DNAH10: variants seen among roughly 807,000 people sequenced by gnomAD.
The protein encoded by DNAH10 is dynein axonemal heavy chain 10, also known as axonemal beta dynein heavy chain 10.
Under a neutral mutation model 506.6 loss-of-function variants are expected in DNAH10, and 348 were observed. The observed-to-expected ratio is 0.69, with a 90% CI of 0.63 to 0.75. DNAH10 has a LOEUF of 0.75. Ranked by LOEUF, DNAH10 falls within the 30% of genes least tolerant of loss-of-function variation. The probability of loss-of-function intolerance (pLI) is 0.00; values close to 1 mark genes in which losing one functional copy is unlikely to be tolerated. For synonymous variants in DNAH10, 2,059 were observed against 2,198.6 expected (o/e 0.94, Z 1.78); for missense variants, 5,179 against 5,787.1 (o/e 0.89, Z 3.41).
chr12:123,910,741 C>T, intron 59 of DNAH10, 69 bp downstream of exon 59: 5 of 1,546,938 alleles, frequency 3.2e-6, no homozygotes, highest in Non-Finnish European at 3.5e-6. Flanking sequence ...TTCACATGTA[C>T]ATACCTTTGC....
chr12:123,841,235 C>A (rs1950763615), intron 29 of DNAH10, 87 bp from the exon 30 acceptor site: 1 of 1,404,420 alleles, frequency 7.1e-7, no homozygotes, highest in East Asian at 2.3e-5. Flanking sequence ...TGCATCGTGG[C>A]AGCTCTGCTG....
chr12:123,790,248 T>C, intron 11 of DNAH10, 127 bp downstream of exon 11: 1 of 973,224 alleles, frequency 1.0e-6, no homozygotes, highest in East Asian at 2.5e-5. Context: ...TGCTTATTAA[T>C]TATAAAAAAC....
intron 65 of DNAH10, among the ~76,000 whole-genome samples, chr12:123,921,068 T>C (rs891119565): frequency 6.6e-6 from 1 of 152,202 alleles, no homozygotes; most frequent in Non-Finnish European, 1.5e-5. Flanking sequence ...CCACCGTGTC[T>C]GCCCCACCCC....
chr12:123,877,678 T>C, intron 47 of DNAH10, 58 bp from the exon 48 acceptor site: 1 of 1,542,560 alleles, frequency 6.5e-7, no homozygotes, highest in South Asian at 1.2e-5. Context: ...ATTTTGTTTA[T>C]TCACTCATCT....
chr12:123,784,864 A>G (rs1002174011), intron 8 of DNAH10, among the ~76,000 whole-genome samples: 2 of 152,202 alleles, frequency 1.3e-5, no homozygotes, highest in African/African-American at 4.8e-5. Context: ...TCTTTCACTC[A>G]GCACCAGGTT....
At position 123,846,178 on chromosome 12, in the gene DNAH10, G is replaced by T. The variant is rs1950943871; in HGVS notation, c.5814+24G>T. On this transcript the variant is annotated intron_variant, in intron 32 of 78. Coordinates refer to ENST00000673944, the MANE Select transcript of DNAH10 (RefSeq NM_001372106.1). This position sits in a 1 kb window ranked among gnomAD's most constrained non-coding sequence, Gnocchi z 4.5. Reference sequence around the variant, plus strand: ...AGGTGACTGCCAGCCTGGCACTTGTGGTTACCACTTACCTTGGGGCGGGGC... The same window carrying T: ...AGGTGACTGCCAGCCTGGCACTTGTTGTTACCACTTACCTTGGGGCGGGGC... 6.2e-7 allele frequency: 1 copy of T among 1,602,064 alleles called. No individual in the cohort carries two copies. The highest frequency in any genetic ancestry group is 8.5e-7 in the Non-Finnish European group (1 of 1,173,286).
chr12:123,918,695 T>C lies in DNAH10; in HGVS notation c.11252T>C (p.Leu3751Pro). Residue 3751 changes from leucine to proline, a missense_variant, in exon 65 of 79, where the codon CTG becomes CCG. By Grantham distance (98) the Leu-to-Pro change is moderately conservative. Coordinates refer to ENST00000673944, the MANE Select transcript of DNAH10 (RefSeq NM_001372106.1). ...KATEVSEKLK[L>P]AEKTALDIDR... ...CTTCAGGTCTCAGAGAAACTCAAGCTGGCGGAGAAGACAGCCTTGGACATC... is the reference window on the plus strand; with the variant it reads ...CTTCAGGTCTCAGAGAAACTCAAGCCGGCGGAGAAGACAGCCTTGGACATC... 3 of 1,559,466 alleles carry C rather than the reference T, an allele frequency of 1.9e-6. No individual in the cohort carries two copies. Among genetic ancestry groups the C allele is most frequent in the Non-Finnish European group, 2.6e-6 (3 of 1,149,292 alleles).
At chr12:123,868,603 A>G (rs1310333250) in intron 43 of DNAH10, among the ~76,000 whole-genome samples, 1 of 152,234 alleles carries the variant, frequency 6.6e-6, no homozygotes, top group Non-Finnish European at 1.5e-5. Flanking sequence ...ATGTTTTTGC[A>G]CAAAAATGTG....
rs771166420 is a variant in DNAH10 at position 123,929,342 on chromosome 12, A to C, written c.12374A>C (p.Glu4125Ala). 1.9e-6 allele frequency: 3 copies of C among 1,609,692 alleles called. No homozygotes were observed. The highest frequency in any genetic ancestry group is 2.5e-6 in the Non-Finnish European group (3 of 1,178,006). Reference protein sequence around the residue: ...MRATYFKISHEMLDQCPHPAF... With the variant: ...MRATYFKISHAMLDQCPHPAF... ...GCAACTTACTTCAAGATCTCTCACG[A>C]AATGCTGGACCAGTGCCCGCACCCT... The change falls in exon 71 of 79, where the codon GAA becomes GCA. Residue 4125 changes from glutamate (E) to alanine (A), a missense_variant. Glu to Ala is a moderately radical substitution (Grantham distance 107). Around this residue, in one of 3 missense-constraint regions of DNAH10, gnomAD observed 4,844 missense variants for 5,430.5 expected, o/e 0.89. Transcript: ENST00000673944.
intron 51 of DNAH10, among the ~76,000 whole-genome samples, chr12:123,883,359 A>G (rs945442356): frequency 3.9e-5 from 6 of 152,256 alleles, no homozygotes; most frequent in Admixed American, 3.3e-4. Flanking sequence ...CACCATTCTT[A>G]GAATCATACA....
Position 123,843,928 on chromosome 12 carries a change from T to A in DNAH10, c.5361-1672T>A, listed in dbSNP as rs541589236. On this transcript the variant is annotated intron_variant, in intron 30 of 78. Coordinates refer to ENST00000673944, the MANE Select transcript of DNAH10 (RefSeq NM_001372106.1). ...CATTAACTGTAGGTCATCAAGATAA[T>A]GACTATAGTAATCCGCAGTCACTTT... 2.0e-5 allele frequency among the ~76,000 whole-genome samples: 3 copies of A among 152,378 alleles called. 1 individual carries two copies. In the East Asian group the frequency reaches 5.8e-4, roughly 29 times the overall value.
rs1957908810 is a variant in DNAH10 at position 123,787,674 on chromosome 12, C to T, written c.1422-130C>T. On this transcript the variant is annotated intron_variant, in intron 9 of 78. Coordinates refer to ENST00000673944, the MANE Select transcript of DNAH10 (RefSeq NM_001372106.1). The surrounding 1 kb of genome is among the most constrained non-coding windows in gnomAD (Gnocchi z 4.6). ...AGCCGCTTGCCCGCTCTGCCTTTTC[C>T]GATGAGGCCGTGAAACCAGGGGGGG... 1.8e-6 allele frequency: 2 copies of T among 1,094,736 alleles called. No individual in the cohort carries two copies. Among genetic ancestry groups the T allele is most frequent in the East Asian group, 2.6e-5 (1 of 38,596 alleles). 67.8% of individuals were successfully genotyped at this position (1,094,736 alleles called of 1,614,324 possible). A position where few individuals can be genotyped will look rare whatever the true frequency, so the allele number is the denominator to read the frequency against.
chr12:123,806,271 A>G (rs1427943050), intron 18 of DNAH10, among the ~76,000 whole-genome samples: 2 of 152,180 alleles, frequency 1.3e-5, no homozygotes, highest in Non-Finnish European at 2.9e-5. Context: ...TCTCATCTGA[A>G]CACATAGGAA....
rs942828781 is a variant in DNAH10, at chr12:123,762,400, C to T, written c.64C>T (p.Pro22Ser). The change falls in exon 1 of 79, where the codon CCC becomes TCC. Residue 22 changes from proline to serine, a missense_variant. By Grantham distance (74) the Pro-to-Ser change is moderately conservative. This residue lies in a region of DNAH10 where 326 missense variants were observed against 330.8 expected (regional missense o/e 0.99). Transcript: ENST00000673944. The surrounding 1 kb of genome is among the most constrained non-coding windows in gnomAD (Gnocchi z 5.0). ...RVYAAFGITDPQLFEDLLNRD... is the reference protein window; with the variant it reads ...RVYAAFGITDSQLFEDLLNRD... ...GTATGCGGCTTTCGGCATCACCGAC[C>T]CCCAGCTTTTCGAGGACCTGCTCAA... is the stretch of plus-strand genomic sequence containing the variant. 2.1e-5 allele frequency: 29 copies of T among 1,399,104 alleles called. No individual in the cohort carries two copies. In the African/African-American group the frequency reaches 4.2e-4, roughly 20 times the overall value. The allele number at this position is 1,399,104 out of a possible 1,614,324, so 86.7% of individuals were successfully genotyped here.
chr12:123,777,111 T>C (rs569615864), intron 5 of DNAH10, among the ~76,000 whole-genome samples: 14 of 152,300 alleles, frequency 9.2e-5, no homozygotes, highest in African/African-American at 3.4e-4. Context: ...GCTTGGACTA[T>C]CGCAGGAGCC....
Position 123,909,156 on chromosome 12 carries a change from C to T in DNAH10, c.9816-105C>T. 2 of 1,446,188 alleles carry T rather than the reference C, an allele frequency of 1.4e-6. No individual in the cohort carries two copies. The highest frequency in any genetic ancestry group is 9.4e-7 in the Non-Finnish European group (1 of 1,061,126). 89.6% of individuals were successfully genotyped at this position (1,446,188 alleles called of 1,614,324 possible). A position where few individuals can be genotyped will look rare whatever the true frequency, so the allele number is the denominator to read the frequency against. On this transcript the variant is annotated intron_variant, in intron 57 of 78. Coordinates refer to ENST00000673944, the MANE Select transcript of DNAH10 (RefSeq NM_001372106.1). The surrounding 1 kb of genome is among the most constrained non-coding windows in gnomAD (Gnocchi z 5.4). Reference sequence around the variant, plus strand: ...CTTTCGTTTGCTTGCAGCAGTAGCTCCAGGGACTGTCTTTTGGTTGAGCTC... The same window carrying T: ...CTTTCGTTTGCTTGCAGCAGTAGCTTCAGGGACTGTCTTTTGGTTGAGCTC...
chr12:123,848,789 G>C lies in DNAH10; in HGVS notation c.6009G>C (p.Glu2003Asp), dbSNP rs975460014. Reference sequence around the variant, plus strand: ...GCGGGGCTTGGGGCTGCTTTGATGAGTTTAATCGAATCGATGCTTCTGTGC... The same window carrying C: ...GCGGGGCTTGGGGCTGCTTTGATGACTTTAATCGAATCGATGCTTCTGTGC... ...AQCGAWGCFD[E>D]FNRIDASVLS... is the part of the protein sequence containing the mutation. The change falls in exon 34 of 79, where the codon GAG becomes GAC. Residue 2003 changes from glutamate to aspartate, a missense_variant. By Grantham distance (45) the Glu-to-Asp change is conservative (BLOSUM62 2). This residue lies in a region of DNAH10 where 4,844 missense variants were observed against 5,430.5 expected (regional missense o/e 0.89). Coordinates refer to ENST00000673944, the MANE Select transcript of DNAH10 (RefSeq NM_001372106.1). 2 of 1,613,980 alleles carry C rather than the reference G, an allele frequency of 1.2e-6. No individual in the cohort carries two copies. The highest frequency in any genetic ancestry group is 1.3e-5 in the African/African-American group (1 of 75,044).
In DNAH10 at chr12:123,804,895, C is replaced by T. The variant is rs764625697; in HGVS notation, c.2842C>T (p.Arg948Trp). The change falls in exon 18 of 79, where the codon CGG becomes TGG. Residue 948 changes from arginine (R) to tryptophan (W), a missense_variant. By Grantham distance (101) the Arg-to-Trp change is moderately radical. Around this residue, in one of 3 missense-constraint regions of DNAH10, gnomAD observed 4,844 missense variants for 5,430.5 expected, o/e 0.89. Coordinates refer to ENST00000673944, the MANE Select transcript of DNAH10 (RefSeq NM_001372106.1). The stretch of plus-strand genomic sequence containing the variant: ...GGCCAGCGACGTGGACCACATGGTC[C>T]GGTGGTATCTTGCCATTGGACCACT... ...ERASDVDHMV[R>W]WYLAIGPLLT... The T allele has an allele frequency of 3.3e-5, 54 of 1,613,598 alleles. No homozygotes were observed. The highest frequency in any genetic ancestry group is 6.6e-5 in the South Asian group (6 of 91,048).
intron 45 of DNAH10, among the ~76,000 whole-genome samples, chr12:123,872,836 C>A (rs958900817): frequency 1.3e-5 from 2 of 152,174 alleles, no homozygotes; most frequent in African/African-American, 4.8e-5. Flanking sequence ...AACAAAAACA[C>A]CCTGATCTAC....
Sources: allele counts gnomAD v4.1 joint callset (sites outside exome capture counted in the v4.1 genomes callset), GRCh38; gene constraint gnomAD v4.1.1; regional missense constraint gnomAD v4.1.1; non-coding constraint Gnocchi (gnomAD v3.1); transcripts MANE v1.5; gene names NCBI Gene and HGNC (gene_info 2026-07-23, HGNC 2026-07-21).